LRRC9: variants seen among roughly 807,000 people sequenced by gnomAD.
LRRC9 encodes the protein leucine rich repeat containing 9, also known as leucine-rich repeat-containing protein 9.
Under a neutral mutation model 63.2 loss-of-function variants are expected in LRRC9, and 122 were observed. The observed-to-expected ratio is 1.93, with a 90% confidence interval of 1.67 to 2.24. The LOEUF is 2.24. Among genes scored for constraint, LRRC9 ranks in the 30% most tolerant of loss-of-function variants. LRRC9 has a pLI of 0.00. For missense variants in LRRC9, 1,071 were observed against 627.7 expected (o/e 1.71, Z -7.55); for synonymous variants, 366 against 213.1 (o/e 1.72, Z -6.25).
At chr14:59,943,647 G>A (rs1882029743) in intron 7 of LRRC9, among the ~76,000 whole-genome samples, 1 of 151,898 alleles carries the variant, frequency 6.6e-6, no homozygotes, top group African/African-American at 2.4e-5. Context: ...TTTCTGGCAG[G>A]GGAATTTGGT....
intron 12 of LRRC9, among the ~76,000 whole-genome samples, chr14:59,968,275 G>A (rs1885067046): frequency 6.6e-6 from 1 of 152,212 alleles, no homozygotes; most frequent in Admixed American, 6.5e-5. Context: ...CTCTGGGAGA[G>A]GAGGAGGTAG....
At chr14:59,993,924 G>A (rs1052231188) in intron 17 of LRRC9, among the ~76,000 whole-genome samples, 4 of 152,070 alleles carry the variant, frequency 2.6e-5, no homozygotes, top group African/African-American at 9.7e-5. Context: ...AGTTAACAAG[G>A]ATATCCAGGA....
intron 16 of LRRC9, among the ~76,000 whole-genome samples, chr14:59,982,450 G>T (rs219335): frequency 0.74 from 112,847 of 152,056 alleles, 44,150 homozygotes; most frequent in Non-Finnish European, 0.87. Flanking sequence ...ACATCCAAGA[G>T]CATGGTGCCT....
rs908059177 is a variant in LRRC9 at position 60,026,266 on chromosome 14, T to C, written c.3704-1618T>C. Reference sequence around the variant, plus strand: ...ACATTCTACCCCTTTCTCTATATCCTTGTCAGCATTTATGATTGCCTGTCT... The same window carrying C: ...ACATTCTACCCCTTTCTCTATATCCCTGTCAGCATTTATGATTGCCTGTCT... On this transcript the variant is annotated intron_variant, in intron 27 of 31. Coordinates refer to ENST00000445360, the Ensembl canonical transcript of LRRC9. 3.0e-4 allele frequency among the ~76,000 whole-genome samples: 46 copies of C among 152,240 alleles called. 1 individual carries two copies. The highest frequency in any genetic ancestry group is 5.2e-4 in the Admixed American group (8 of 15,278).
At chr14:60,010,674 T>C (rs1253497821) in intron 23 of LRRC9, among the ~76,000 whole-genome samples, 2 of 152,178 alleles carry the variant, frequency 1.3e-5, no homozygotes, top group Non-Finnish European at 2.9e-5. Flanking sequence ...TTTCAGACTT[T>C]TTTGCTTTGC....
chr14:59,948,907 T>C (rs1297823936), intron 8 of LRRC9, among the ~76,000 whole-genome samples: 2 of 41,296 alleles, frequency 4.8e-5, no homozygotes, highest in African/African-American at 2.0e-4. Flanking sequence ...TGGATTCGGT[T>C]TGCCAGTATT....
intron 17 of LRRC9, among the ~76,000 whole-genome samples, chr14:59,993,578 CAG>C (rs1888411187): frequency 3.9e-5 from 6 of 152,116 alleles, no homozygotes; most frequent in Admixed American, 3.9e-4. Flanking sequence ...ATCTCACGTG[CAG>C]AGACACACAT....
At chr14:60,011,359 C>A (rs1396746505) in intron 23 of LRRC9, among the ~76,000 whole-genome samples, 1 of 152,312 alleles carries the variant, frequency 6.6e-6, no homozygotes, top group South Asian at 2.1e-4. Flanking sequence ...CACTGGGTCC[C>A]TCCCACAACA....
chr14:59,952,593 A>G (rs569359143), intron 8 of LRRC9, among the ~76,000 whole-genome samples: 2 of 152,202 alleles, frequency 1.3e-5, no homozygotes, highest in Admixed American at 6.5e-5. Context: ...TTCCACTTAT[A>G]TATATTTTCC....
At chr14:59,995,867 G>A (rs1001662820) in intron 17 of LRRC9, among the ~76,000 whole-genome samples, 2 of 151,832 alleles carry the variant, frequency 1.3e-5, no homozygotes, top group African/African-American at 2.4e-5. Context: ...CTCAGCCTCC[G>A]GAGTATCTGG....
At chr14:59,978,832 T>C (rs187366623) in intron 15 of LRRC9, among the ~76,000 whole-genome samples, 96 of 152,306 alleles carry the variant, frequency 6.3e-4, no homozygotes, top group Non-Finnish European at 1.2e-3. Flanking sequence ...GCATCTTAAA[T>C]TTTGTTAGAT....
downstream of LRRC9, among the ~76,000 whole-genome samples, chr14:60,064,886 G>C (rs1448199739): frequency 1.3e-5 from 2 of 152,034 alleles, no homozygotes; most frequent in Admixed American, 1.3e-4. Flanking sequence ...AAATGTAATA[G>C]GTTTCACTGG....
intron 29 of LRRC9, among the ~76,000 whole-genome samples, chr14:60,046,671 T>C (rs1893450511): frequency 1.3e-5 from 2 of 152,240 alleles, no homozygotes; most frequent in African/African-American, 2.4e-5. Context: ...TTTAGGTTAG[T>C]GTAGCCTTGT....
At chr14:60,030,401 A>G (rs1298050250) in intron 28 of LRRC9, 2 of 152,088 alleles carry the variant, frequency 1.3e-5, no homozygotes, top group Admixed American at 6.6e-5. Context: ...TCACAGAAAC[A>G]CAATTGAAAG....
At chr14:59,996,602 A>T (rs911034100) in intron 17 of LRRC9, among the ~76,000 whole-genome samples, 2 of 152,226 alleles carry the variant, frequency 1.3e-5, no homozygotes, top group Non-Finnish European at 2.9e-5. Context: ...AAAAGAATTT[A>T]AAAATGACCA....
chr14:60,049,755 G>C (rs1285206104), intron 29 of LRRC9, among the ~76,000 whole-genome samples: 1 of 151,982 alleles, frequency 6.6e-6, no homozygotes, highest in Non-Finnish European at 1.5e-5. Flanking sequence ...TTTTTATGGA[G>C]TATCTTACTG....
intron 30 of LRRC9, among the ~76,000 whole-genome samples, chr14:60,054,545 C>T (rs118014512): frequency 0.011 from 1,659 of 152,134 alleles, 12 homozygotes; most frequent in Middle Eastern, 0.024. Context: ...CAGATTTTTT[C>T]CACATGCCTT....
chr14:60,034,011 C>CTT (rs1184099641), intron 29 of LRRC9, among the ~76,000 whole-genome samples: 5 of 41,524 alleles, frequency 1.2e-4, no homozygotes, highest in African/African-American at 2.7e-4. Flanking sequence ...GTAATTTTTT[C>CTT]TTTCTTTTTT....
At chr14:59,947,166 C>T (rs923474015) in intron 8 of LRRC9, among the ~76,000 whole-genome samples, 3 of 151,378 alleles carry the variant, frequency 2.0e-5, no homozygotes, top group African/African-American at 7.3e-5. Flanking sequence ...TCTCCAGCAC[C>T]TGTTGTTTCC....
Sources: gnomAD v4.1 joint callset for allele counts (sites outside exome capture counted in the v4.1 genomes callset) on GRCh38, gnomAD v4.1.1 for gene constraint, MANE v1.5 for transcripts, NCBI Gene and HGNC (gene_info 2026-07-23, HGNC 2026-07-21) for gene names.